ALDH1L1: variants seen among roughly 807,000 people sequenced by gnomAD.
The protein encoded by ALDH1L1 is cytosolic 10-formyltetrahydrofolate dehydrogenase.
Under a neutral mutation model 101.1 loss-of-function variants are expected in ALDH1L1, and 68 were observed. The ratio of observed to expected loss-of-function variants is 0.67; its 90% CI spans 0.55 to 0.82. The LOEUF (loss-of-function observed/expected upper bound fraction) is 0.82. Among genes scored for constraint, ALDH1L1 ranks in the 40% least tolerant of loss-of-function variants. The probability of loss-of-function intolerance (pLI) is 0.00; values close to 1 mark genes in which losing one functional copy is unlikely to be tolerated. For missense variants in ALDH1L1, 1,087 were observed against 1,172.7 expected (o/e 0.93, Z 1.07); for synonymous variants, 486 against 470.8 (o/e 1.03, Z -0.42).
intron 9 of ALDH1L1, among the ~76,000 whole-genome samples, chr3:126,145,444 C>T (rs2080655387): frequency 6.6e-6 from 1 of 152,240 alleles, no homozygotes; most frequent in Non-Finnish European, 1.5e-5. Context: ...ACACAAATGT[C>T]CATCAACAGA....
chr3:126,106,098 G>A (rs1379921050), intron 21 of ALDH1L1, among the ~76,000 whole-genome samples, 173 bp from the exon 22 acceptor site: 1 of 152,206 alleles, frequency 6.6e-6, no homozygotes, highest in Non-Finnish European at 1.5e-5. Context: ...GAGCGAGGAG[G>A]AAGGGCAGAG....
chr3:126,193,115 C>T (rs1307167536), intron 1 of ALDH1L1, among the ~76,000 whole-genome samples: 1 of 152,164 alleles, frequency 6.6e-6, no homozygotes, highest in Non-Finnish European at 1.5e-5. Context: ...ATCTTGTCTA[C>T]CTACTAAGTT....
intron 20 of ALDH1L1, among the ~76,000 whole-genome samples, 186 bp downstream of exon 20, chr3:126,109,758 A>T (rs1285565209): frequency 6.6e-6 from 1 of 152,226 alleles, no homozygotes; most frequent in Non-Finnish European, 1.5e-5. Context: ...TGCTCGTCCC[A>T]TCCCCGGGTC....
intron 1 of ALDH1L1, 114 bp downstream of exon 1, chr3:126,180,362 T>C: frequency 2.5e-6 from 2 of 805,008 alleles, no homozygotes; most frequent in Non-Finnish European, 3.0e-6. Context: ...CAGGAGCCCT[T>C]GCGGTGAGAA....
upstream of ALDH1L1, among the ~76,000 whole-genome samples, chr3:126,186,244 A>G (rs934907370): frequency 6.6e-6 from 1 of 152,270 alleles, no homozygotes; most frequent in Non-Finnish European, 1.5e-5. Flanking sequence ...TCCATCAGCC[A>G]TCACCATAAT....
At chr3:126,160,315 A>G (rs748565200) in intron 2 of ALDH1L1, 1 of 152,852 alleles carries the variant, frequency 6.5e-6, no homozygotes, top group Non-Finnish European at 1.5e-5. Flanking sequence ...CCCCATTACC[A>G]CAAATTATGA....
At chr3:126,185,223 A>G (rs1415277964), upstream of ALDH1L1, among the ~76,000 whole-genome samples, 1 of 152,198 alleles carries the variant, frequency 6.6e-6, no homozygotes, top group South Asian at 2.1e-4. Context: ...CTCCAGCCCC[A>G]TGCCAAATCT....
intron 14 of ALDH1L1, chr3:126,129,091 C>G (rs2080245282): frequency 6.6e-6 from 1 of 152,366 alleles, no homozygotes; most frequent in Admixed American, 6.5e-5. Flanking sequence ...ATGGGACAAC[C>G]AAAACCATGT....
intron 2 of ALDH1L1, chr3:126,160,256 T>C (rs2081014746): frequency 2.6e-5 from 4 of 152,726 alleles, no homozygotes; most frequent in Admixed American, 2.6e-4. Context: ...ACTCTCTGTG[T>C]TTTTTTCTTT....
chr3:126,127,489 G>A (rs1164673494), intron 14 of ALDH1L1, among the ~76,000 whole-genome samples: 1 of 152,172 alleles, frequency 6.6e-6, no homozygotes, highest in Non-Finnish European at 1.5e-5. Flanking sequence ...TGCATGGACG[G>A]TGAGGGTGGA....
chr3:126,157,402 C>T lies in ALDH1L1; in HGVS notation c.469G>A (p.Asp157Asn). 4 of 1,614,084 alleles carry T rather than the reference C, an allele frequency of 2.5e-6. No individual in the cohort carries two copies. The highest frequency in any genetic ancestry group is 3.4e-6 in the Non-Finnish European group (4 of 1,179,990). ...TTGTACAGCGTGCTCACGGTGTCGTCCGGGAGCACCTCACACTCCTTCTGC... is the reference window on the plus strand; with the variant it reads ...TTGTACAGCGTGCTCACGGTGTCGTTCGGGAGCACCTCACACTCCTTCTGC... Reference protein sequence around the residue: ...LLQKECEVLPDDTVSTLYNRF... With the variant: ...LLQKECEVLPNDTVSTLYNRF... Residue 157 changes from aspartate to asparagine, a missense_variant, in exon 4 of 23, where the codon GAC (aspartate) becomes AAC (asparagine). Physicochemically the swap from Asp to Asn is conservative, Grantham distance 23. Around this residue, in one of 2 missense-constraint regions of ALDH1L1, gnomAD observed 645 missense variants for 637.0 expected, o/e 1.01. Coordinates refer to ENST00000393434, the MANE Select transcript of ALDH1L1 (RefSeq NM_012190.4).
upstream of ALDH1L1, chr3:126,180,802 T>C: frequency 1.3e-6 from 2 of 1,517,260 alleles, no homozygotes; most frequent in South Asian, 1.3e-5. Flanking sequence ...AGACTTACTG[T>C]GGACCCTTGG....
At chr3:126,160,638 T>A (rs2108302256) in intron 2 of ALDH1L1, among the ~76,000 whole-genome samples, 1 of 152,316 alleles carries the variant, frequency 6.6e-6, no homozygotes, top group Admixed American at 6.5e-5. Flanking sequence ...TGCCACCCCA[T>A]GATCAGGTGG....
At chr3:126,144,586 G>T (rs1203673175) in intron 9 of ALDH1L1, among the ~76,000 whole-genome samples, 1 of 152,156 alleles carries the variant, frequency 6.6e-6, no homozygotes, top group Non-Finnish European at 1.5e-5. Flanking sequence ...AGGGTGCCAA[G>T]AATACATAAT....
intron 1 of ALDH1L1, among the ~76,000 whole-genome samples, chr3:126,169,944 TTTAC>T (rs1399553993): frequency 2.0e-5 from 3 of 152,204 alleles, no homozygotes; most frequent in Non-Finnish European, 4.4e-5. Context: ...TTTATTATCT[TTTAC>T]AGTTTAAATT....
At chr3:126,125,789 C>T in intron 14 of ALDH1L1, 68 bp from the exon 15 acceptor site, 1 of 1,149,530 alleles carries the variant, frequency 8.7e-7, no homozygotes, top group South Asian at 2.2e-5. Context: ...CTGCCAATTC[C>T]CTCCACCTCA....
intron 16 of ALDH1L1, among the ~76,000 whole-genome samples, chr3:126,121,759 T>C (rs1037045399): frequency 2.0e-5 from 3 of 152,214 alleles, no homozygotes; most frequent in African/African-American, 4.8e-5. Context: ...TCCCTCCCCT[T>C]GAGGGAAGCT....
At chr3:126,105,626 A>T in intron 22 of ALDH1L1, 100 bp downstream of exon 22, 1 of 1,348,382 alleles carries the variant, frequency 7.4e-7, no homozygotes, top group Non-Finnish European at 1.1e-6. Context: ...GTTCAAGGCT[A>T]CGTCCCTGCA....
chr3:126,116,841 G>A (rs1415883130), intron 17 of ALDH1L1, among the ~76,000 whole-genome samples: 2 of 151,888 alleles, frequency 1.3e-5, no homozygotes, highest in African/African-American at 2.4e-5. Context: ...GGGGACCCAA[G>A]GCATGGGTGT....
Sources: allele counts gnomAD v4.1 joint callset (sites outside exome capture counted in the v4.1 genomes callset), GRCh38; gene constraint gnomAD v4.1.1; regional missense constraint gnomAD v4.1.1; transcripts MANE v1.5; gene names NCBI Gene and HGNC (gene_info 2026-07-23, HGNC 2026-07-21).